ZNF385B: variants seen among roughly 807,000 people sequenced by gnomAD.
ZNF385B encodes the protein zinc finger protein 533.
A neutral mutation model predicts 39.2 loss-of-function variants in ZNF385B; 23 were observed. That is an observed-to-expected ratio of 0.59 (90% CI 0.42 to 0.83). The LOEUF (loss-of-function observed/expected upper bound fraction) is 0.83. ZNF385B is among the 40% of genes least tolerant of loss of function. ZNF385B has a pLI of 0.00. For synonymous variants in ZNF385B, 205 were observed against 222.6 expected (o/e 0.92, Z 0.70); for missense variants, 552 against 598.9 (o/e 0.92, Z 0.82).
At chr2:179,575,488 G>A (rs1230115664) in intron 3 of ZNF385B, among the ~76,000 whole-genome samples, 1 of 152,112 alleles carries the variant, frequency 6.6e-6, no homozygotes, top group Non-Finnish European at 1.5e-5. Flanking sequence ...AGATTGAGAA[G>A]CAGAAGTCGA....
intron 1 of ZNF385B, among the ~76,000 whole-genome samples, chr2:179,852,486 T>C (rs1180999803): frequency 6.6e-6 from 1 of 152,194 alleles, no homozygotes; most frequent in African/African-American, 2.4e-5. Flanking sequence ...CCACCTCTTT[T>C]AGATTTTGTA....
In ZNF385B at chr2:179,703,774, T is replaced by C. The variant is rs571708227; in HGVS notation, c.298+65729A>G. ...AATATTGAGTGCCCACATATAACTA[T>C]TCTCAGAGATAAAATACATAGTCCC... is the stretch of plus-strand genomic sequence containing the variant. On this transcript the variant is annotated intron_variant, in intron 3 of 9. Coordinates refer to ENST00000410066, the MANE Select transcript of ZNF385B (RefSeq NM_152520.6). 2.3e-4 allele frequency among the ~76,000 whole-genome samples: 35 copies of C among 152,370 alleles called. No individual in the cohort carries two copies. In the South Asian group the frequency reaches 7.0e-3, roughly 31 times the overall value.
chr2:179,489,764 G>A (rs1430150599), intron 5 of ZNF385B, among the ~76,000 whole-genome samples: 1 of 152,158 alleles, frequency 6.6e-6, no homozygotes, highest in Non-Finnish European at 1.5e-5. Flanking sequence ...AAGTTTTTCT[G>A]CTGATATTTG....
chr2:179,680,840 T>C lies in ZNF385B; in HGVS notation c.298+88663A>G, dbSNP rs1697448662. On this transcript the variant is annotated intron_variant, in intron 3 of 9. Coordinates refer to ENST00000410066, the MANE Select transcript of ZNF385B (RefSeq NM_152520.6). ...AACAGTTCACAAATTATCAGTCCTT[T>C]ATCTCAATACTCAGAACCATCCTGT... 2.0e-5 allele frequency among the ~76,000 whole-genome samples: 3 copies of C among 152,102 alleles called. No individual in the cohort carries two copies. The South Asian group carries it at 6.2e-4, about 31-fold the overall frequency.
chr2:179,530,996 A>G (rs1395005160), intron 4 of ZNF385B, among the ~76,000 whole-genome samples: 1 of 152,138 alleles, frequency 6.6e-6, no homozygotes, highest in Non-Finnish European at 1.5e-5. Context: ...ACCCACCCAA[A>G]CAAAATCCTA....
intron 4 of ZNF385B, among the ~76,000 whole-genome samples, chr2:179,537,754 C>CA (rs200637545): frequency 2.0e-5 from 2 of 99,934 alleles, no homozygotes; most frequent in African/African-American, 8.9e-5. Context: ...AACAAACAAA[C>CA]AAACAAACAA....
In ZNF385B at chr2:179,484,657, A is replaced by G. The variant is rs185937340; in HGVS notation, c.553-1223T>C. ...AATGGGTCTCTGTCTTTAGGGTCCAATGAGGTTTCACACATACATGAGGTA... is the reference window on the plus strand; with the variant it reads ...AATGGGTCTCTGTCTTTAGGGTCCAGTGAGGTTTCACACATACATGAGGTA... On this transcript the variant is annotated intron_variant, in intron 5 of 9. Transcript: ENST00000410066. 3.6e-3 allele frequency among the ~76,000 whole-genome samples: 554 copies of G among 152,184 alleles called. 6 individuals are homozygous for G. Among genetic ancestry groups the G allele is most frequent in the South Asian group, 0.032 (154 of 4,812 alleles).
chr2:179,783,760 A>G (rs1704818501), intron 1 of ZNF385B, among the ~76,000 whole-genome samples: 2 of 152,182 alleles, frequency 1.3e-5, no homozygotes, highest in Non-Finnish European at 2.9e-5. Context: ...AGAAATGCCA[A>G]TCAAAATGAG....
intron 1 of ZNF385B, among the ~76,000 whole-genome samples, chr2:179,775,914 G>A (rs1206411353): frequency 2.6e-5 from 4 of 152,194 alleles, no homozygotes; most frequent in African/African-American, 7.2e-5. Flanking sequence ...TTTCCTGCAA[G>A]TGGATTTAAA....
At chr2:179,744,116 A>T (rs17824619) in intron 3 of ZNF385B, among the ~76,000 whole-genome samples, 15,840 of 152,146 alleles carry the variant, frequency 0.1, 1,099 homozygotes, top group Admixed American at 0.18. Context: ...AATACTTCAC[A>T]TTTCAGAACA....
intron 1 of ZNF385B, among the ~76,000 whole-genome samples, chr2:179,772,448 G>A (rs1453899719): frequency 2.0e-5 from 3 of 152,108 alleles, no homozygotes; most frequent in African/African-American, 7.2e-5. Flanking sequence ...CCTAGTTCTG[G>A]CTTCACACTT....
intron 1 of ZNF385B, among the ~76,000 whole-genome samples, chr2:179,849,430 C>T (rs907571358): frequency 1.1e-4 from 16 of 152,196 alleles, no homozygotes; most frequent in African/African-American, 3.4e-4. Flanking sequence ...AAAGGCAACA[C>T]ATCTATTTGG....
chr2:179,453,406 C>A (rs992051530), intron 6 of ZNF385B, among the ~76,000 whole-genome samples: 2 of 152,118 alleles, frequency 1.3e-5, no homozygotes, highest in Non-Finnish European at 2.9e-5. Flanking sequence ...AGCACCCTAT[C>A]ACCCACCTGT....
intron 5 of ZNF385B, among the ~76,000 whole-genome samples, chr2:179,497,075 A>C (rs2056295760): frequency 6.6e-6 from 1 of 152,202 alleles, no homozygotes; most frequent in Non-Finnish European, 1.5e-5. Context: ...ACAAACAAAC[A>C]GAGAAACAAA....
At chr2:179,760,342 C>T (rs975141237) in intron 3 of ZNF385B, among the ~76,000 whole-genome samples, 2 of 151,936 alleles carry the variant, frequency 1.3e-5, no homozygotes, top group African/African-American at 4.8e-5. Flanking sequence ...TCTTGAAACT[C>T]ACCCCTATCC....
intron 3 of ZNF385B, among the ~76,000 whole-genome samples, chr2:179,687,849 A>G (rs1698043937): frequency 6.6e-6 from 1 of 152,240 alleles, no homozygotes; most frequent in East Asian, 1.9e-4. Flanking sequence ...GCACAGGACT[A>G]GTGAAAGTAT....
chr2:179,473,852 T>C (rs529990349), intron 6 of ZNF385B, among the ~76,000 whole-genome samples: 20 of 152,326 alleles, frequency 1.3e-4, no homozygotes, highest in African/African-American at 4.1e-4. Flanking sequence ...GCAAAGGATG[T>C]GAACTCATTC....
At position 179,503,569 on chromosome 2, in the gene ZNF385B, A is replaced by G. The variant is rs546087245; in HGVS notation, c.552+14959T>C. Among the ~76,000 whole-genome samples, 68 of 152,358 alleles carry G rather than the reference A, an allele frequency of 4.5e-4. 1 individual carries two copies. Among genetic ancestry groups the G allele is most frequent in the African/African-American group, 1.6e-3 (67 of 41,586 alleles). On this transcript the variant is annotated intron_variant, in intron 5 of 9. Coordinates refer to ENST00000410066, the MANE Select transcript of ZNF385B (RefSeq NM_152520.6). ...TCTATTCTATTTTACAAATATAGAC[A>G]TTCATCATTTGCTCAACATTTACAG... is the stretch of plus-strand genomic sequence containing the variant.
chr2:179,851,207 G>T (rs569496786), intron 1 of ZNF385B, among the ~76,000 whole-genome samples: 164 of 152,300 alleles, frequency 1.1e-3, no homozygotes, highest in African/African-American at 3.8e-3. Flanking sequence ...CCCCAATGCT[G>T]TGGGAGGACA....
Sources: gnomAD v4.1 joint callset for allele counts (sites outside exome capture counted in the v4.1 genomes callset) on GRCh38, gnomAD v4.1.1 for gene constraint, MANE v1.5 for transcripts, NCBI Gene and HGNC (gene_info 2026-07-23, HGNC 2026-07-21) for gene names.